Variants in IL31RA observed in about 807,000 individuals in gnomAD.
IL31RA encodes the protein interleukin-31 receptor subunit alpha.
In IL31RA, 66 loss-of-function variants were observed where a neutral mutation model predicts 83.7. The ratio of observed to expected loss-of-function variants is 0.79; its 90% confidence interval spans 0.65 to 0.97. The LOEUF is 0.97. Ranked by LOEUF, IL31RA falls within the 50% of genes least tolerant of loss-of-function variation. IL31RA has a pLI of 0.00. For synonymous variants in IL31RA, 325 were observed against 329.0 expected, an observed-to-expected ratio of 0.99 and a Z score of 0.13; for missense variants, 798 against 919.4, an observed-to-expected ratio of 0.87 and a Z score of 1.71.
upstream of IL31RA, among the ~76,000 whole-genome samples, chr5:55,847,374 T>G (rs1022858886): frequency 2.0e-5 from 3 of 151,784 alleles, no homozygotes; most frequent in South Asian, 6.2e-4. Flanking sequence ...GCCGATGGAT[T>G]ACTTGAAGAC....
intron 1 of IL31RA, among the ~76,000 whole-genome samples, chr5:55,855,052 C>A (rs969903506): frequency 1.3e-5 from 2 of 152,204 alleles, no homozygotes; most frequent in East Asian, 1.9e-4. Context: ...AGCAGTGCAT[C>A]GCTTGACTAC....
At chr5:55,844,678 G>A in the IL31RA span, among the ~76,000 whole-genome samples, 7 of 151,890 alleles carry the variant, frequency 4.6e-5, no homozygotes, top group African/African-American at 1.7e-4. Context: ...GAAAGTCTCT[G>A]TTTTTACTGC....
At position 55,917,904 on chromosome 5, in the gene IL31RA, T is replaced by C. The variant is rs1749883923; in HGVS notation, c.*784T>C. On this transcript the variant is annotated 3_prime_UTR_variant, in exon 15 of 15. Coordinates refer to ENST00000652347, the MANE Select transcript of IL31RA (RefSeq NM_139017.7). ...CCTGGGAGCAGAAAGGCACCTGACA[T>C]TGCAGTGGTTGTCATATAGGGACGC... 6.6e-6 allele frequency among the ~76,000 whole-genome samples: 1 copy of C among 152,180 alleles called. No individual in the cohort carries two copies. Among genetic ancestry groups the C allele is most frequent in the Non-Finnish European group, 1.5e-5 (1 of 68,032 alleles).
At chr5:55,867,644 A>C (rs958894484) in intron 2 of IL31RA, among the ~76,000 whole-genome samples, 1 of 152,060 alleles carries the variant, frequency 6.6e-6, no homozygotes, top group Admixed American at 6.6e-5. Context: ...GTATTAGTCC[A>C]TTTTCACGCT....
chr5:55,842,727 G>A, the IL31RA span, among the ~76,000 whole-genome samples: 4 of 152,148 alleles, frequency 2.6e-5, no homozygotes, highest in Admixed American at 6.5e-5. Context: ...TTTCCTGGGT[G>A]GGGCCTGTTC....
At chr5:55,867,172 T>C (rs1355428032) in intron 2 of IL31RA, among the ~76,000 whole-genome samples, 1 of 75,446 alleles carries the variant, frequency 1.3e-5, no homozygotes, top group African/African-American at 6.2e-5. Flanking sequence ...TGTGTGCATG[T>C]GTGTGTGCAT....
rs34526562 is a variant in IL31RA at position 55,864,340 on chromosome 5, T to TACAC, written c.155-4438_155-4435dup. On this transcript the variant is annotated intron_variant, in intron 2 of 14. Coordinates refer to ENST00000652347, the MANE Select transcript of IL31RA (RefSeq NM_139017.7). ...CACATATACATCACACACACCACAC[T>TACAC]ACACACACACACACACCACACACAC... 9.4e-5 allele frequency among the ~76,000 whole-genome samples: 6 copies of TACAC among 63,654 alleles called. 1 individual carries two copies. Among genetic ancestry groups the TACAC allele is most frequent in the South Asian group, 5.7e-4 (1 of 1,744 alleles). The allele number at this position is 63,654 out of a possible 152,430, so 41.8% of individuals were successfully genotyped here.
chr5:55,894,313 A>G (rs1357947011), intron 6 of IL31RA, among the ~76,000 whole-genome samples: 1 of 152,134 alleles, frequency 6.6e-6, no homozygotes, highest in African/African-American at 2.4e-5. Context: ...GCCACTGCTT[A>G]CATCTCACTG....
chr5:55,884,681 A>G (rs1384481962), intron 5 of IL31RA, among the ~76,000 whole-genome samples: 1 of 152,182 alleles, frequency 6.6e-6, no homozygotes, highest in Non-Finnish European at 1.5e-5. Context: ...TCAGCCTCCC[A>G]AAGTTCTGAG....
chr5:55,860,198 G>A (rs757453715), intron 2 of IL31RA, among the ~76,000 whole-genome samples: 8 of 151,884 alleles, frequency 5.3e-5, no homozygotes, highest in Non-Finnish European at 1.2e-4. Flanking sequence ...GTAAAACCCC[G>A]TCTCTACTAA....
intron 2 of IL31RA, among the ~76,000 whole-genome samples, chr5:55,860,233 G>A (rs1204555220): frequency 1.3e-5 from 2 of 152,090 alleles, no homozygotes; most frequent in African/African-American, 4.8e-5. Context: ...ACCGAGTATG[G>A]TGGCTCACGC....
chr5:55,855,353 G>T (rs1024042256), intron 1 of IL31RA, among the ~76,000 whole-genome samples: 2 of 151,372 alleles, frequency 1.3e-5, no homozygotes, highest in Non-Finnish European at 2.9e-5. Flanking sequence ...ACAGAGTCTT[G>T]CTATGTTGCC....
At chr5:55,867,646 T>G (rs1378717196) in intron 2 of IL31RA, among the ~76,000 whole-genome samples, 1 of 152,096 alleles carries the variant, frequency 6.6e-6, no homozygotes, top group Non-Finnish European at 1.5e-5. Context: ...ATTAGTCCAT[T>G]TTCACGCTGC....
At chr5:55,907,152 T>A (rs1749205229) in intron 9 of IL31RA, among the ~76,000 whole-genome samples, 1 of 152,198 alleles carries the variant, frequency 6.6e-6, no homozygotes, top group Non-Finnish European at 1.5e-5. Context: ...GCTAAAAAGC[T>A]AAATTTAAAA....
chr5:55,922,554 T>A lies in IL31RA; in HGVS notation c.*5434T>A. ...AAGAGAACCATCTCTGAAGACTGGGTATGTGGTCTTTTCCACACATGGACC... is the reference window on the plus strand; with the variant it reads ...AAGAGAACCATCTCTGAAGACTGGGAATGTGGTCTTTTCCACACATGGACC... On this transcript the variant is annotated 3_prime_UTR_variant, in exon 15 of 15. Transcript: ENST00000652347. The A allele has an allele frequency of 1.2e-6, 1 of 802,728 alleles. No individual in the cohort carries two copies. Among genetic ancestry groups the A allele is most frequent in the Non-Finnish European group, 2.0e-6 (1 of 496,738 alleles). The allele number at this position is 802,728 out of a possible 1,614,324, so 49.7% of individuals were successfully genotyped here. A position where few individuals can be genotyped will look rare whatever the true frequency, so the allele number is the denominator to read the frequency against.
intron 6 of IL31RA, 129 bp from the exon 7 acceptor site, chr5:55,896,221 C>T: frequency 1.4e-6 from 1 of 731,042 alleles, no homozygotes; most frequent in South Asian, 1.4e-5. Context: ...AGCTGCCATC[C>T]CTCCACTCCT....
In IL31RA at chr5:55,868,858, G is replaced by C. The variant is rs1466660542; in HGVS notation, c.222G>C (p.Trp74Cys). The C allele has an allele frequency of 6.2e-7, 1 of 1,609,968 alleles. No homozygotes were observed. The highest frequency in any genetic ancestry group is 8.5e-7 in the Non-Finnish European group (1 of 1,176,400). The change falls in exon 3 of 15, where the codon TGG (tryptophan) becomes TGC (cysteine). Residue 74 changes from tryptophan to cysteine, a missense_variant. Physicochemically the swap from Trp to Cys is radical, Grantham distance 215. Coordinates refer to ENST00000652347, the MANE Select transcript of IL31RA (RefSeq NM_139017.7). ...YYYRKNLTCTWSPGKETSYTQ... is the reference protein window; with the variant it reads ...YYYRKNLTCTCSPGKETSYTQ... ...ATAGGAAAAATTTAACCTGCACTTG[G>C]AGTCCAGGAAAGGAAACCAGTTATA...
chr5:55,914,541 C>T (rs1290738207), intron 13 of IL31RA, among the ~76,000 whole-genome samples: 1 of 152,154 alleles, frequency 6.6e-6, no homozygotes, highest in East Asian at 1.9e-4. Context: ...AAAGGAATGA[C>T]TCTGTGATGG....
At chr5:55,853,601 T>A in intron 1 of IL31RA, 1 of 1,545,672 alleles carries the variant, frequency 6.5e-7, no homozygotes, top group South Asian at 1.2e-5. Flanking sequence ...AGTGATAGTT[T>A]GATCATCTTT....
Sources: allele counts gnomAD v4.1 joint callset (sites outside exome capture counted in the v4.1 genomes callset), GRCh38; gene constraint gnomAD v4.1.1; transcripts MANE v1.5; gene names NCBI Gene and HGNC (gene_info 2026-07-23, HGNC 2026-07-21).